Variants in DPP6 observed in about 807,000 individuals in gnomAD.
DPP6 encodes A-type potassium channel modulatory protein DPP6.
DPP6 carries 69 observed loss-of-function variants against 122.6 expected under a neutral mutation model. That is an observed-to-expected ratio of 0.56 (90% CI 0.46 to 0.69). The LOEUF (loss-of-function observed/expected upper bound fraction) is 0.69. Ranked by LOEUF, DPP6 falls within the 30% of genes least tolerant of loss-of-function variation. The pLI, the probability that DPP6 is intolerant of heterozygous loss-of-function variation, is 0.00. For synonymous variants in DPP6, 418 were observed against 433.1 expected, an observed-to-expected ratio of 0.97 and a Z score of 0.43; for missense variants, 928 against 1,116.9, an observed-to-expected ratio of 0.83 and a Z score of 2.41.
chr7:154,393,455 A>G (rs1814802378), intron 1 of DPP6, among the ~76,000 whole-genome samples: 1 of 152,116 alleles, frequency 6.6e-6, no homozygotes, highest in Non-Finnish European at 1.5e-5. Context: ...ATTTGGTTAT[A>G]ATTGTCTTCA....
chr7:153,942,441 C>T (rs1801739862), intron 1 of DPP6, among the ~76,000 whole-genome samples: 1 of 152,174 alleles, frequency 6.6e-6, no homozygotes, highest in African/African-American at 2.4e-5. Context: ...GGACAGGTGG[C>T]CCTCAGAGGC....
At chr7:153,819,077 C>CTTTTCT in the DPP6 span, among the ~76,000 whole-genome samples, 95 of 99,870 alleles carry the variant, frequency 9.5e-4, 1 homozygote, top group African/African-American at 4.1e-3. Context: ...CTTTTCTTTT[C>CTTTTCT]TTTTTTTTTT....
Position 154,742,761 on chromosome 7 carries a change from C to T in DPP6, c.883+14874C>T, listed in dbSNP as rs553284152. Among the ~76,000 whole-genome samples the T allele has an allele frequency of 3.9e-5, 6 of 152,330 alleles. No homozygotes were observed. In the East Asian group the frequency reaches 5.8e-4, roughly 15 times the overall value. On this transcript the variant is annotated intron_variant, in intron 8 of 25. Transcript: ENST00000377770. ...ATGTTCTATGCCAGGACAAAGAAGGCGGGCATGGGCCAGGCAGTCCCTCCA... is the reference window on the plus strand; with the variant it reads ...ATGTTCTATGCCAGGACAAAGAAGGTGGGCATGGGCCAGGCAGTCCCTCCA...
chr7:153,904,873 T>C (rs1400756730), intron 1 of DPP6, among the ~76,000 whole-genome samples: 1 of 152,226 alleles, frequency 6.6e-6, no homozygotes, highest in Non-Finnish European at 1.5e-5. Context: ...AGAAGAGGCT[T>C]ACAAATTTGA....
chr7:153,763,759 A>G, the DPP6 span, among the ~76,000 whole-genome samples: 6 of 152,214 alleles, frequency 3.9e-5, no homozygotes, highest in Non-Finnish European at 8.8e-5. Context: ...GAGAGACAAG[A>G]GCTCAGACTG....
chr7:153,810,739 A>C, the DPP6 span, among the ~76,000 whole-genome samples: 1 of 141,198 alleles, frequency 7.1e-6, no homozygotes, highest in African/African-American at 2.7e-5. Context: ...TACCTATTCT[A>C]TGGCACATGC....
chr7:153,907,557 A>G (rs547485667), intron 1 of DPP6, among the ~76,000 whole-genome samples: 246 of 152,280 alleles, frequency 1.6e-3, no homozygotes, highest in African/African-American at 5.4e-3. Flanking sequence ...TATTTCCATG[A>G]GGGTGTTTTG....
At chr7:153,786,937 ATTTCCTT>A in the DPP6 span, among the ~76,000 whole-genome samples, 1 of 144,838 alleles carries the variant, frequency 6.9e-6, no homozygotes, top group East Asian at 2.0e-4. Context: ...GAAGGGGAAG[ATTTCCTT>A]TTTTTTGTTT....
chr7:154,050,292 T>C (rs190557410), upstream of DPP6, among the ~76,000 whole-genome samples: 251 of 152,368 alleles, frequency 1.6e-3, 4 homozygotes, highest in Admixed American at 3.1e-3. Flanking sequence ...GCCTTGAGAA[T>C]ATAGTTTTTA....
chr7:154,236,431 C>T (rs1029494093), intron 1 of DPP6, among the ~76,000 whole-genome samples: 1 of 152,130 alleles, frequency 6.6e-6, no homozygotes, highest in Non-Finnish European at 1.5e-5. Context: ...TAAACAATTT[C>T]CCCTATAATT....
chr7:154,151,134 C>T (rs1323402415), intron 1 of DPP6, among the ~76,000 whole-genome samples: 2 of 152,160 alleles, frequency 1.3e-5, no homozygotes, highest in Non-Finnish European at 1.5e-5. Context: ...CCCCAGAACC[C>T]GATGTGGTTT....
chr7:154,095,953 T>TGAGAGCTAAGTTCCAGGC, intron 1 of DPP6: 1 of 134,806 alleles, frequency 7.4e-6, no homozygotes, highest in Admixed American at 7.7e-5. Context: ...GAGTCCCAGG[T>TGAGAGCTAAGTTCCAGGC]GAGAGCTAAG....
At chr7:154,113,412 T>TATATATATACACACAC (rs1472172445) in intron 1 of DPP6, among the ~76,000 whole-genome samples, 2 of 141,796 alleles carry the variant, frequency 1.4e-5, no homozygotes, top group African/African-American at 5.2e-5. Context: ...TATATATATA[T>TATATATATACACACAC]ACACACACAC....
At chr7:154,211,938 A>G (rs1173913378) in intron 1 of DPP6, among the ~76,000 whole-genome samples, 2 of 152,136 alleles carry the variant, frequency 1.3e-5, no homozygotes, top group East Asian at 1.9e-4. Context: ...GGAAGGGATG[A>G]TATTTCTCAA....
intron 2 of DPP6, among the ~76,000 whole-genome samples, chr7:154,469,200 A>AAAAC (rs10637253): frequency 0.13 from 19,597 of 152,028 alleles, 4,230 homozygotes; most frequent in African/African-American, 0.45. Flanking sequence ...TTGAGAAAGT[A>AAAAC]AAACACACAC....
intron 6 of DPP6, among the ~76,000 whole-genome samples, chr7:154,649,470 T>G (rs1220833221): frequency 6.6e-6 from 1 of 152,218 alleles, no homozygotes; most frequent in African/African-American, 2.4e-5. Flanking sequence ...TCTTCCAAAG[T>G]GGCTGCACCA....
intron 1 of DPP6, among the ~76,000 whole-genome samples, chr7:154,362,579 TA>T (rs1811820639): frequency 7.7e-6 from 1 of 129,534 alleles, no homozygotes; most frequent in Non-Finnish European, 1.6e-5. Context: ...GATGCCATGC[TA>T]TTTTTTTTTT....
At chr7:154,769,628 C>T (rs1158430108) in intron 9 of DPP6, 57 bp downstream of exon 9, 3 of 1,477,694 alleles carry the variant, frequency 2.0e-6, no homozygotes, top group Non-Finnish European at 2.7e-6. Context: ...ACACCCCAAC[C>T]CTGCTCACTC....
chr7:154,614,098 C>G (rs1834082913), intron 5 of DPP6, among the ~76,000 whole-genome samples: 1 of 152,214 alleles, frequency 6.6e-6, no homozygotes, highest in Non-Finnish European at 1.5e-5. Flanking sequence ...AGCTGTCTTC[C>G]CTTTCTCTTC....
Sources: allele counts gnomAD v4.1 joint callset (sites outside exome capture counted in the v4.1 genomes callset), GRCh38; gene constraint gnomAD v4.1.1; transcripts MANE v1.5; gene names NCBI Gene and HGNC (gene_info 2026-07-23, HGNC 2026-07-21).